The following IQCJ variants were observed in gnomAD, a reference collection of about 807,000 sequenced individuals.
IQCJ encodes IQ motif containing J, also known as IQ domain-containing protein J.
A neutral mutation model predicts 11.0 loss-of-function variants in IQCJ; 9 were observed. That is an observed-to-expected ratio of 0.82 (90% CI 0.49 to 1.43). The LOEUF is 1.43. Among genes scored for constraint, IQCJ ranks in the 40% most tolerant of loss-of-function variants. The pLI is 0.00. For missense variants in IQCJ, 146 were observed against 133.2 expected (o/e 1.10, Z -0.47); for synonymous variants, 55 against 51.3 (o/e 1.07, Z -0.31).
intron 1 of IQCJ, among the ~76,000 whole-genome samples, chr3:159,154,969 C>A (rs1022414214): frequency 2.6e-5 from 4 of 152,076 alleles, no homozygotes; most frequent in Non-Finnish European, 5.9e-5. Flanking sequence ...GTATTTCCCA[C>A]CCCCGCTTTC....
intron 3 of IQCJ, among the ~76,000 whole-genome samples, chr3:159,261,208 T>A (rs1283408357): frequency 6.6e-6 from 1 of 152,208 alleles, no homozygotes; most frequent in African/African-American, 2.4e-5. Context: ...AGAGATCAGA[T>A]GCTTCCAGGA....
intron 1 of IQCJ, among the ~76,000 whole-genome samples, chr3:159,204,818 A>G (rs910487794): frequency 6.6e-6 from 1 of 152,186 alleles, no homozygotes; most frequent in African/African-American, 2.4e-5. Context: ...AGAATTGACA[A>G]AACAGGGAAG....
chr3:159,256,371 AAGAC>A (rs1471806425), intron 3 of IQCJ, among the ~76,000 whole-genome samples: 1 of 152,104 alleles, frequency 6.6e-6, no homozygotes, highest in Non-Finnish European at 1.5e-5. Context: ...GAGAGAGAGA[AAGAC>A]AGAGAGACAG....
At chr3:159,201,747 G>C (rs2108068076) in intron 1 of IQCJ, among the ~76,000 whole-genome samples, 1 of 142,650 alleles carries the variant, frequency 7.0e-6, no homozygotes, top group East Asian at 2.1e-4. Context: ...CCATTCACCT[G>C]CCTCATTCAC....
At chr3:159,126,523 CAGGCT>C (rs1719686983) in intron 1 of IQCJ, among the ~76,000 whole-genome samples, 1 of 152,204 alleles carries the variant, frequency 6.6e-6, no homozygotes, top group Admixed American at 6.5e-5. Context: ...CTTGAAGGAA[CAGGCT>C]ATGTTTAATT....
At chr3:159,183,413 C>G (rs1723204436) in intron 1 of IQCJ, among the ~76,000 whole-genome samples, 1 of 152,154 alleles carries the variant, frequency 6.6e-6, no homozygotes, top group Non-Finnish European at 1.5e-5. Context: ...CATGCCCTCT[C>G]TATACTTTGT....
intron 3 of IQCJ, among the ~76,000 whole-genome samples, chr3:159,254,908 C>A (rs1727806416): frequency 6.6e-6 from 1 of 152,190 alleles, no homozygotes. Flanking sequence ...GTAATCCCCC[C>A]AATAGTATAG....
chr3:159,180,681 A>G (rs1214813627), intron 1 of IQCJ, among the ~76,000 whole-genome samples: 1 of 152,010 alleles, frequency 6.6e-6, no homozygotes, highest in Non-Finnish European at 1.5e-5. Context: ...GGTATTCATT[A>G]TACTATGTTT....
chr3:159,082,848 A>G (rs1716415803), intron 1 of IQCJ, among the ~76,000 whole-genome samples: 1 of 152,122 alleles, frequency 6.6e-6, no homozygotes, highest in Non-Finnish European at 1.5e-5. Context: ...AGGGAGACCC[A>G]CAGGCTCTAT....
intron 1 of IQCJ, among the ~76,000 whole-genome samples, chr3:159,115,471 A>C (rs1718923187): frequency 6.7e-5 from 10 of 148,220 alleles, no homozygotes; most frequent in Admixed American, 6.6e-4. Flanking sequence ...GCACCCAGAA[A>C]GAGTGTAAGT....
At chr3:159,190,375 G>T (rs1577069586) in intron 1 of IQCJ, among the ~76,000 whole-genome samples, 1 of 152,196 alleles carries the variant, frequency 6.6e-6, no homozygotes, top group East Asian at 1.9e-4. Flanking sequence ...CATGTTTAAA[G>T]CTCTGGGCTA....
At chr3:159,091,514 C>A (rs1717281376) in intron 1 of IQCJ, among the ~76,000 whole-genome samples, 1 of 151,678 alleles carries the variant, frequency 6.6e-6, no homozygotes, top group Non-Finnish European at 1.5e-5. Context: ...CCAAAGACTG[C>A]ACTTTCTAAT....
chr3:159,174,405 TA>T (rs1184662324), intron 1 of IQCJ, among the ~76,000 whole-genome samples: 1 of 152,108 alleles, frequency 6.6e-6, no homozygotes, highest in South Asian at 2.1e-4. Flanking sequence ...ATTCTCCACT[TA>T]AAAAATTAAT....
chr3:159,182,456 A>T (rs1723142310), intron 1 of IQCJ, among the ~76,000 whole-genome samples: 1 of 152,032 alleles, frequency 6.6e-6, no homozygotes. Flanking sequence ...GTGTAGCAGG[A>T]CAAGCCGCAG....
At chr3:159,090,244 G>C (rs948750705) in intron 1 of IQCJ, among the ~76,000 whole-genome samples, 1 of 151,752 alleles carries the variant, frequency 6.6e-6, no homozygotes, top group Non-Finnish European at 1.5e-5. Flanking sequence ...GGGGTCAGGG[G>C]TCAGGGGTCA....
intron 1 of IQCJ, among the ~76,000 whole-genome samples, chr3:159,210,546 C>G (rs1724897045): frequency 6.6e-6 from 1 of 152,142 alleles, no homozygotes; most frequent in Non-Finnish European, 1.5e-5. Flanking sequence ...GTACTCATAT[C>G]CCTGTGTGTG....
intron 1 of IQCJ, among the ~76,000 whole-genome samples, chr3:159,130,808 A>C (rs1209995334): frequency 6.6e-6 from 1 of 152,184 alleles, no homozygotes; most frequent in South Asian, 2.1e-4. Flanking sequence ...CAAAAGCAGC[A>C]ATAAAGCATA....
At chr3:159,199,038 G>T (rs189396146) in intron 1 of IQCJ, among the ~76,000 whole-genome samples, 9 of 152,298 alleles carry the variant, frequency 5.9e-5, no homozygotes, top group Admixed American at 3.3e-4. Flanking sequence ...TCTGGATTCA[G>T]ATGTCTAAAA....
chr3:159,223,715 A>C (rs1461063482), intron 1 of IQCJ, among the ~76,000 whole-genome samples: 3 of 152,160 alleles, frequency 2.0e-5, no homozygotes, highest in Non-Finnish European at 4.4e-5. Context: ...GAGTATCTGT[A>C]ATCTGAAAAT....
Sources: allele counts gnomAD v4.1 joint callset (sites outside exome capture counted in the v4.1 genomes callset), GRCh38; gene constraint gnomAD v4.1.1; transcripts MANE v1.5; gene names NCBI Gene and HGNC (gene_info 2026-07-23, HGNC 2026-07-21).